Variants in GABPB2 observed in about 807,000 individuals in gnomAD.
GABPB2 encodes the protein GA binding protein transcription factor subunit beta 2.
Under a neutral mutation model 39.1 loss-of-function variants are expected in GABPB2, and 23 were observed. The ratio of observed to expected loss-of-function variants is 0.59; its 90% CI spans 0.42 to 0.83. The LOEUF (loss-of-function observed/expected upper bound fraction) is 0.83, where lower values mean the gene tolerates loss of function less well. Among genes scored for constraint, GABPB2 ranks in the 40% least tolerant of loss-of-function variants. The probability of loss-of-function intolerance (pLI) is 0.00; values close to 1 mark genes in which losing one functional copy is unlikely to be tolerated. For synonymous variants in GABPB2, 184 were observed against 199.3 expected (o/e 0.92, Z 0.65); for missense variants, 467 against 541.1 (o/e 0.86, Z 1.36).
At chr1:151,072,493 G>A (rs1676811631) in intron 1 of GABPB2, among the ~76,000 whole-genome samples, 1 of 152,024 alleles carries the variant, frequency 6.6e-6, no homozygotes, top group South Asian at 2.1e-4. Context: ...AGGCTGCAGT[G>A]AGCCGTGATT....
intron 1 of GABPB2, among the ~76,000 whole-genome samples, chr1:151,084,774 TC>T (rs1251591421): frequency 6.6e-6 from 1 of 150,628 alleles, no homozygotes; most frequent in Non-Finnish European, 1.5e-5. Flanking sequence ...GACCTTGTGA[TC>T]CGCCCGCCTC....
chr1:151,096,934 C>T (rs182976497), intron 4 of GABPB2, among the ~76,000 whole-genome samples: 6 of 151,920 alleles, frequency 3.9e-5, no homozygotes, highest in Admixed American at 6.6e-5. Flanking sequence ...TTTTTTGAGA[C>T]GGAGTCTCAC....
At chr1:151,087,344 A>T (rs1678291272) in intron 1 of GABPB2, among the ~76,000 whole-genome samples, 1 of 151,864 alleles carries the variant, frequency 6.6e-6, no homozygotes, top group African/African-American at 2.4e-5. Context: ...GAAGATAAAA[A>T]CTAGATTAAG....
intron 5 of GABPB2, among the ~76,000 whole-genome samples, chr1:151,102,814 A>G (rs1210663044): frequency 6.6e-6 from 1 of 152,132 alleles, no homozygotes; most frequent in African/African-American, 2.4e-5. Context: ...TAGCTGATGA[A>G]AAAAGGTAGT....
intron 1 of GABPB2, among the ~76,000 whole-genome samples, chr1:151,075,563 CA>C (rs35110350): frequency 0.045 from 1,977 of 44,230 alleles, 19 homozygotes; most frequent in African/African-American, 0.16. Context: ...GACTTTGTCT[CA>C]AAAAAAAAAA....
intron 1 of GABPB2, among the ~76,000 whole-genome samples, chr1:151,074,342 G>C (rs1473076902): frequency 1.5e-5 from 2 of 135,942 alleles, no homozygotes. Flanking sequence ...ACGGAGTCTC[G>C]CTCTGTCGCC....
At chr1:151,078,154 G>A (rs1677348532) in intron 1 of GABPB2, among the ~76,000 whole-genome samples, 1 of 148,712 alleles carries the variant, frequency 6.7e-6, no homozygotes, top group African/African-American at 2.5e-5. Flanking sequence ...CCTGTAGTCC[G>A]AGCTACTCAG....
intron 1 of GABPB2, 57 bp from the exon 2 acceptor site, chr1:151,088,133 G>A (rs587760409): frequency 1.5e-5 from 18 of 1,217,858 alleles, no homozygotes; most frequent in Admixed American, 3.6e-5. Context: ...ATGTATTGGC[G>A]GCTTTCCTTA....
chr1:151,071,126 G>A (rs1194946292), intron 1 of GABPB2, among the ~76,000 whole-genome samples, 192 bp downstream of exon 1: 24 of 152,244 alleles, frequency 1.6e-4, no homozygotes, highest in Admixed American at 1.4e-3. Context: ...GGGAGGAAGG[G>A]GAGGGGACTG....
rs587770782 is a variant in GABPB2, at chr1:151,081,933, A to G, written c.1-6257A>G. Among the ~76,000 whole-genome samples the G allele has an allele frequency of 3.3e-5, 5 of 151,544 alleles. No homozygotes were observed. The South Asian group carries it at 1.0e-3, about 32-fold the overall frequency. ...TTTACAGGCGTGAGCCACCGCACCC[A>G]GTTGATAGCTTCATTCTTATATCTA... On this transcript the variant is annotated intron_variant, in intron 1 of 8. Coordinates refer to ENST00000368918, the MANE Select transcript of GABPB2 (RefSeq NM_144618.3).
chr1:151,101,754 G>C (rs1433266245), intron 5 of GABPB2, among the ~76,000 whole-genome samples: 1 of 152,062 alleles, frequency 6.6e-6, no homozygotes, highest in Non-Finnish European at 1.5e-5. Flanking sequence ...GAACTGAGAG[G>C]CAATAAATTT....
chr1:151,117,311 TATTTTCTAATTAAAAGCAAGCA>T (rs1227755313), intron 7 of GABPB2, 59 bp from the exon 8 acceptor site: 6 of 1,450,426 alleles, frequency 4.1e-6, no homozygotes, highest in African/African-American at 2.9e-5. Flanking sequence ...TATTTTAGTT[TATTTTCTAATTAAAAGCAAGCA>T]AAACCTCTTT....
intron 3 of GABPB2, among the ~76,000 whole-genome samples, chr1:151,092,008 G>C (rs980133886): frequency 1.3e-5 from 2 of 151,254 alleles, no homozygotes; most frequent in African/African-American, 2.4e-5. Flanking sequence ...CCCAGCCCAG[G>C]CTGGCCTTGC....
At chr1:151,072,229 A>G (rs1056084152) in intron 1 of GABPB2, among the ~76,000 whole-genome samples, 8 of 152,200 alleles carry the variant, frequency 5.3e-5, no homozygotes, top group Non-Finnish European at 8.8e-5. Flanking sequence ...CAAGCACTTC[A>G]TGAATTATTA....
At chr1:151,104,840 C>CTCTT (rs144579509) in intron 6 of GABPB2, among the ~76,000 whole-genome samples, 96 of 99,058 alleles carry the variant, frequency 9.7e-4, no homozygotes, top group African/African-American at 2.7e-3. Flanking sequence ...TCTCTTCTCT[C>CTCTT]TCTTTCTTTC....
intron 2 of GABPB2, 121 bp downstream of exon 2, chr1:151,088,418 G>T (rs1427892690): frequency 2.8e-5 from 36 of 1,276,230 alleles, no homozygotes; most frequent in Non-Finnish European, 3.9e-5. Context: ...TCCCTTACAA[G>T]AGTTTTATTT....
At position 151,107,196 on chromosome 1, in the gene GABPB2, T is replaced by C. The variant is rs1251793156; in HGVS notation, c.896T>C (p.Ile299Thr). The change falls in exon 7 of 9, where the codon ATT becomes ACT. Residue 299 changes from isoleucine (I) to threonine (T), a missense_variant. Ile to Thr is a moderately conservative substitution (Grantham distance 89, BLOSUM62 -1). Coordinates refer to ENST00000368918, the MANE Select transcript of GABPB2 (RefSeq NM_144618.3). ...IPTGGIGQPFIVTVQDGQQVL... is the reference protein window; with the variant it reads ...IPTGGIGQPFTVTVQDGQQVL... ...ACTGGAGGCATTGGCCAGCCATTTA[T>C]TGTAACTGTGCAAGATGGACAGCAA... 6.3e-7 allele frequency: 1 copy of C among 1,598,218 alleles called. No homozygotes were observed. Among genetic ancestry groups the C allele is most frequent in the Non-Finnish European group, 8.5e-7 (1 of 1,174,866 alleles).
chr1:151,078,209 G>A (rs1677351626), intron 1 of GABPB2, among the ~76,000 whole-genome samples: 1 of 151,294 alleles, frequency 6.6e-6, no homozygotes, highest in South Asian at 2.1e-4. Flanking sequence ...GGTGGAGGCT[G>A]CAGTGAGCCG....
chr1:151,081,270 C>CT (rs1377936259), intron 1 of GABPB2, among the ~76,000 whole-genome samples: 4 of 151,264 alleles, frequency 2.6e-5, no homozygotes, highest in Non-Finnish European at 4.4e-5. Flanking sequence ...CAGCGGATCA[C>CT]TTGAGTTCAG....
Sources: allele counts gnomAD v4.1 joint callset (sites outside exome capture counted in the v4.1 genomes callset), GRCh38; gene constraint gnomAD v4.1.1; transcripts MANE v1.5; gene names NCBI Gene and HGNC (gene_info 2026-07-23, HGNC 2026-07-21).